The following ZNF45 variants were observed in gnomAD, a reference collection of about 807,000 sequenced individuals.
ZNF45 encodes the protein zinc finger protein 45.
A neutral mutation model predicts 12.0 loss-of-function variants in ZNF45; 4 were observed. The observed-to-expected ratio is 0.33, with a 90% CI of 0.16 to 0.76. ZNF45 has a LOEUF of 0.76. ZNF45 is among the 30% of genes least tolerant of loss of function. The pLI, the probability that ZNF45 is intolerant of heterozygous loss-of-function variation, is 0.60. For synonymous variants in ZNF45, 272 were observed against 279.6 expected, an observed-to-expected ratio of 0.97 and a Z score of 0.27; for missense variants, 700 against 813.0, an observed-to-expected ratio of 0.86 and a Z score of 1.69.
At position 43,919,587 on chromosome 19, in the gene ZNF45, T is replaced by A. The variant is rs749123755; in HGVS notation, c.128A>T (p.Asn43Ile). ...CCTGTCCTCACCCACTGAGACCACA[T>A]TCCTGAAGTTCTCCAGCATCACATC... The part of the protein sequence containing the change: ...YRDVMLENFR[N>I]VVSVGHQSTP... Residue 43 changes from asparagine (N) to isoleucine (I), a missense_variant, in exon 8 of 10, where the codon AAT (asparagine) becomes ATT (isoleucine). Asn to Ile is a moderately radical substitution (Grantham distance 149, BLOSUM62 -3). Coordinates refer to ENST00000269973, the MANE Select transcript of ZNF45 (RefSeq NM_003425.4). The A allele has an allele frequency of 6.2e-7, 1 of 1,612,220 alleles. No homozygotes were observed. Among genetic ancestry groups the A allele is most frequent in the Non-Finnish European group, 8.5e-7 (1 of 1,178,846 alleles).
At chr19:43,917,180 G>C (rs1599766558) in intron 9 of ZNF45, among the ~76,000 whole-genome samples, 1 of 152,164 alleles carries the variant, frequency 6.6e-6, no homozygotes, top group African/African-American at 2.4e-5. Flanking sequence ...GACGTGTTTT[G>C]TAAGCAAGAA....
intron 6 of ZNF45, among the ~76,000 whole-genome samples, chr19:43,923,311 A>C (rs969590217): frequency 6.6e-6 from 1 of 152,150 alleles, no homozygotes; most frequent in African/African-American, 2.4e-5. Context: ...GAAGTCAACT[A>C]TGGCCCAAAA....
intron 2 of ZNF45, among the ~76,000 whole-genome samples, chr19:43,933,886 A>C (rs1568466290): frequency 6.6e-6 from 1 of 152,230 alleles, no homozygotes; most frequent in Non-Finnish European, 1.5e-5. Flanking sequence ...CTTAAAATTA[A>C]ATGAGAATTC....
At chr19:43,922,113 A>C (rs413093) in intron 7 of ZNF45, 58 bp downstream of exon 7, 2 of 1,580,632 alleles carry the variant, frequency 1.3e-6, no homozygotes, top group Non-Finnish European at 8.7e-7. Context: ...AATAAGGTGT[A>C]TGTAATCTTT....
chr19:43,934,845 A>C (rs1056507218), intron 1 of ZNF45, 79 bp downstream of exon 1: 3 of 152,358 alleles, frequency 2.0e-5, no homozygotes, highest in Admixed American at 6.5e-5. Flanking sequence ...TGTCAAAACA[A>C]ATATATAAGG....
At chr19:43,927,551 T>A (rs1973788490) in intron 3 of ZNF45, among the ~76,000 whole-genome samples, 1 of 152,022 alleles carries the variant, frequency 6.6e-6, no homozygotes. Context: ...AAACCCCCAA[T>A]ATATAGCGAG....
Position 43,914,249 on chromosome 19 carries a change from C to G in ZNF45, c.1187G>C (p.Gly396Ala), listed in dbSNP as rs770645722. The change falls in exon 10 of 10, where the codon GGC becomes GCC. Residue 396 changes from glycine to alanine, a missense_variant. Transcript: ENST00000269973. ...KPYKCEECGK[G>A]FCRASNLLDH... Reference sequence around the variant, plus strand: ...CAGCAGATTTGAGGCCCGGCAGAAGCCTTTCCCACACTCCTCACATTTGTA... The same window carrying G: ...CAGCAGATTTGAGGCCCGGCAGAAGGCTTTCCCACACTCCTCACATTTGTA... The G allele has an allele frequency of 8.7e-6, 14 of 1,613,418 alleles. No individual in the cohort carries two copies. The East Asian group carries it at 2.0e-4, about 23-fold the overall frequency.
intron 9 of ZNF45, among the ~76,000 whole-genome samples, chr19:43,917,800 T>C (rs1235274135): frequency 6.6e-6 from 1 of 152,212 alleles, no homozygotes; most frequent in African/African-American, 2.4e-5. Flanking sequence ...GTTTTCACTT[T>C]TAAATGTGAC....
intron 9 of ZNF45, 123 bp from the exon 10 acceptor site, chr19:43,915,323 C>T: frequency 8.1e-6 from 8 of 989,166 alleles, no homozygotes; most frequent in African/African-American, 1.6e-5. Context: ...GTTCCATTGC[C>T]TACTGCATAG....
chr19:43,928,687 A>G (rs1430738090), intron 3 of ZNF45, among the ~76,000 whole-genome samples: 1 of 152,224 alleles, frequency 6.6e-6, no homozygotes, highest in Non-Finnish European at 1.5e-5. Context: ...ACTAACCCCA[A>G]TATACTATCC....
chr19:43,915,517 CA>C (rs1467604582), intron 9 of ZNF45, among the ~76,000 whole-genome samples: 2 of 152,334 alleles, frequency 1.3e-5, no homozygotes, highest in East Asian at 3.9e-4. Flanking sequence ...TCAGGGCCCC[CA>C]ACCCCTGGGC....
chr19:43,926,920 G>A (rs1973724837), intron 3 of ZNF45, among the ~76,000 whole-genome samples: 1 of 152,200 alleles, frequency 6.6e-6, no homozygotes, highest in African/African-American at 2.4e-5. Context: ...AAGTCAGCAG[G>A]AGAACACTGA....
At position 43,932,615 on chromosome 19, in the gene ZNF45, C is replaced by T. The variant is rs950640485; in HGVS notation, c.-411G>A. On this transcript the variant is annotated 5_prime_UTR_variant, in exon 3 of 10. Coordinates refer to ENST00000269973, the MANE Select transcript of ZNF45 (RefSeq NM_003425.4). Reference sequence around the variant, plus strand: ...CATGAATCACTTACTCACTGAATAACTCCTCTTTGCAAACCTCTTGCTGGG... The same window carrying T: ...CATGAATCACTTACTCACTGAATAATTCCTCTTTGCAAACCTCTTGCTGGG... 1.3e-5 allele frequency: 2 copies of T among 152,184 alleles called. No individual in the cohort carries two copies. The highest frequency in any genetic ancestry group is 4.8e-5 in the African/African-American group (2 of 41,444). 9.4% of individuals were successfully genotyped at this position (152,184 alleles called of 1,614,324 possible). A position where few individuals can be genotyped will look rare whatever the true frequency, so the allele number is the denominator to read the frequency against.
Position 43,914,325 on chromosome 19 carries a change from C to G in ZNF45, c.1111G>C (p.Val371Leu). 1 of 1,610,946 alleles carries G rather than the reference C, an allele frequency of 6.2e-7. No individual in the cohort carries two copies. The highest frequency in any genetic ancestry group is 8.5e-7 in the Non-Finnish European group (1 of 1,178,650). ...TGATGGGCCTGAAGGTGTGAACCCACACTGAAACCTTTCCCACACTCCTCA... is the reference window on the plus strand; with the variant it reads ...TGATGGGCCTGAAGGTGTGAACCCAGACTGAAACCTTTCCCACACTCCTCA... ...KCEECGKGFS[V>L]GSHLQAHQIS... Residue 371 changes from valine to leucine, a missense_variant, in exon 10 of 10, where the codon GTG becomes CTG. Transcript: ENST00000269973.
chr19:43,931,180 G>A (rs1974112607), intron 3 of ZNF45: 1 of 152,136 alleles, frequency 6.6e-6, no homozygotes, highest in Non-Finnish European at 1.5e-5. Context: ...GTTTAAATAT[G>A]TAACAGAATT....
chr19:43,917,275 G>T (rs1004539745), intron 9 of ZNF45, among the ~76,000 whole-genome samples: 1 of 152,134 alleles, frequency 6.6e-6, no homozygotes, highest in Non-Finnish European at 1.5e-5. Context: ...GATATAAAAT[G>T]TATTTCTTAT....
intron 3 of ZNF45, chr19:43,926,560 G>A (rs1973693035): frequency 6.6e-6 from 1 of 152,164 alleles, no homozygotes; most frequent in Non-Finnish European, 1.5e-5. Flanking sequence ...AGACTTGTGG[G>A]AACCTTACTA....
intron 3 of ZNF45, among the ~76,000 whole-genome samples, chr19:43,930,652 A>G (rs186867220): frequency 1.3e-5 from 2 of 152,302 alleles, no homozygotes; most frequent in East Asian, 3.9e-4. Flanking sequence ...ATAAGAGGAA[A>G]GGGCTGCAGA....
At chr19:43,933,178 A>G (rs1974273205) in intron 2 of ZNF45, among the ~76,000 whole-genome samples, 1 of 152,122 alleles carries the variant, frequency 6.6e-6, no homozygotes, top group African/African-American at 2.4e-5. Context: ...TCATATATAA[A>G]CGATTAGTGA....
Sources: gnomAD v4.1 joint callset for allele counts (sites outside exome capture counted in the v4.1 genomes callset) on GRCh38, gnomAD v4.1.1 for gene constraint, MANE v1.5 for transcripts, NCBI Gene and HGNC (gene_info 2026-07-23, HGNC 2026-07-21) for gene names.